Variants in FOXP1 observed in about 807,000 individuals in gnomAD.
FOXP1 encodes forkhead box protein P1.
In FOXP1, 15 loss-of-function variants were observed where a neutral mutation model predicts 98.2. The observed-to-expected ratio is 0.15, with a 90% CI of 0.10 to 0.24. FOXP1 has a LOEUF of 0.24. Ranked by LOEUF, FOXP1 falls within the 10% of genes least tolerant of loss-of-function variation. The probability of loss-of-function intolerance (pLI) is 1.00; values close to 1 mark genes in which losing one functional copy is unlikely to be tolerated. For synonymous variants in FOXP1, 371 were observed against 314.5 expected, an observed-to-expected ratio of 1.18 and a Z score of -1.90; for missense variants, 633 against 848.5, an observed-to-expected ratio of 0.75 and a Z score of 3.15.
chr3:71,509,125 A>G (rs2042022985), intron 2 of FOXP1, among the ~76,000 whole-genome samples: 2 of 152,170 alleles, frequency 1.3e-5, no homozygotes, highest in Admixed American at 6.5e-5. Flanking sequence ...TTCATATTTA[A>G]GCATTGTATT....
At chr3:71,304,015 C>T (rs1350162401) in intron 4 of FOXP1, among the ~76,000 whole-genome samples, 1 of 152,166 alleles carries the variant, frequency 6.6e-6, no homozygotes, top group Non-Finnish European at 1.5e-5. Context: ...ACTTTGAATC[C>T]ACCATTCTTC....
chr3:71,035,286 G>GCTGT (rs2047432260), intron 11 of FOXP1, among the ~76,000 whole-genome samples: 1 of 152,196 alleles, frequency 6.6e-6, no homozygotes, highest in Non-Finnish European at 1.5e-5. Flanking sequence ...GGCCTAGGAA[G>GCTGT]CTGTGTGTTT....
intron 5 of FOXP1, among the ~76,000 whole-genome samples, chr3:71,232,527 G>A (rs949912480): frequency 3.3e-5 from 5 of 152,018 alleles, no homozygotes; most frequent in East Asian, 1.9e-4. Flanking sequence ...TCTTCTTTAC[G>A]GCAGGAAGCT....
At chr3:71,042,161 A>G (rs551518091) in intron 10 of FOXP1, among the ~76,000 whole-genome samples, 76 of 152,330 alleles carry the variant, frequency 5.0e-4, no homozygotes, top group African/African-American at 1.8e-3. Context: ...GGATGTGTCT[A>G]CTGAAAAACT....
intron 2 of FOXP1, among the ~76,000 whole-genome samples, chr3:71,527,041 T>C (rs909252438): frequency 6.6e-6 from 1 of 151,456 alleles, no homozygotes; most frequent in Non-Finnish European, 1.5e-5. Context: ...AGGGCACTAC[T>C]GTATATGCAA....
chr3:71,255,074 C>T (rs561085932), intron 5 of FOXP1, among the ~76,000 whole-genome samples: 1 of 152,258 alleles, frequency 6.6e-6, no homozygotes, highest in South Asian at 2.1e-4. Flanking sequence ...AGAAACTACA[C>T]CCTTTTTCCA....
chr3:71,369,553 C>A (rs1456339490), intron 3 of FOXP1, among the ~76,000 whole-genome samples: 1 of 152,136 alleles, frequency 6.6e-6, no homozygotes, highest in Non-Finnish European at 1.5e-5. Flanking sequence ...CACCACCATG[C>A]CCAGCTAATT....
At chr3:71,431,944 C>T (rs1030367639) in intron 3 of FOXP1, among the ~76,000 whole-genome samples, 1 of 152,136 alleles carries the variant, frequency 6.6e-6, no homozygotes, top group Admixed American at 6.5e-5. Flanking sequence ...TTCCTGTTGC[C>T]GTGTTGCCCC....
chr3:71,144,399 C>T (rs1576009194), intron 6 of FOXP1, among the ~76,000 whole-genome samples: 1 of 152,234 alleles, frequency 6.6e-6, no homozygotes, highest in East Asian at 1.9e-4. Context: ...CCCTGGGAAC[C>T]CTGACAGGAG....
chr3:71,496,596 C>A (rs961365245), intron 2 of FOXP1, among the ~76,000 whole-genome samples: 6 of 152,038 alleles, frequency 3.9e-5, no homozygotes, highest in Non-Finnish European at 4.4e-5. Flanking sequence ...CCGAGGCGGG[C>A]GGATCACGAG....
chr3:71,582,289 G>T (rs947469839), intron 1 of FOXP1: 2 of 977,588 alleles, frequency 2.0e-6, no homozygotes, highest in Non-Finnish European at 2.4e-6. Flanking sequence ...CTGAAAAGGA[G>T]GGAGGCGGGA....
At chr3:71,327,956 CTA>C (rs2076018807) in intron 4 of FOXP1, among the ~76,000 whole-genome samples, 2 of 152,204 alleles carry the variant, frequency 1.3e-5, no homozygotes, top group African/African-American at 4.8e-5. Context: ...CCCAACCTCT[CTA>C]CACATGACAG....
intron 6 of FOXP1, among the ~76,000 whole-genome samples, chr3:71,195,626 C>T (rs530996712): frequency 2.6e-5 from 4 of 152,172 alleles, no homozygotes; most frequent in South Asian, 2.1e-4. Flanking sequence ...CTGAATGTGC[C>T]CCTGGCGAGG....
chr3:71,039,756 GA>G (rs567940533), intron 11 of FOXP1, among the ~76,000 whole-genome samples: 2,210 of 108,148 alleles, frequency 0.02, 22 homozygotes, highest in Non-Finnish European at 0.023. Flanking sequence ...TTTCTTTCTT[GA>G]AAAAAAAAAA....
At chr3:71,249,041 C>T (rs1209645721) in intron 5 of FOXP1, among the ~76,000 whole-genome samples, 1 of 152,218 alleles carries the variant, frequency 6.6e-6, no homozygotes, top group Non-Finnish European at 1.5e-5. Context: ...AGAATTTCTG[C>T]AGATGCTGGA....
Position 71,157,667 on chromosome 3 carries a change from C to T in FOXP1, c.180+40535G>A, listed in dbSNP as rs960700858. Among the ~76,000 whole-genome samples, 11 of 152,264 alleles carry T rather than the reference C, an allele frequency of 7.2e-5. No individual in the cohort carries two copies. The South Asian group carries it at 1.7e-3, about 23-fold the overall frequency. On this transcript the variant is annotated intron_variant, in intron 6 of 20. Transcript: ENST00000649528. ...CATTAAGTATGTAAATCTTCTGATA[C>T]CAGGTTGTTCCTTCACTTCTTTTCT...
chr3:71,236,512 T>C (rs1215110046), intron 5 of FOXP1, among the ~76,000 whole-genome samples: 2 of 152,178 alleles, frequency 1.3e-5, no homozygotes, highest in African/African-American at 4.8e-5. Context: ...CCCACAGGCA[T>C]ATAATGAGAG....
intron 2 of FOXP1, among the ~76,000 whole-genome samples, chr3:71,513,755 T>A (rs1278486092): frequency 6.6e-6 from 1 of 152,106 alleles, no homozygotes; most frequent in East Asian, 1.9e-4. Context: ...ATAGCATGGC[T>A]CCAAGAATGT....
intron 5 of FOXP1, among the ~76,000 whole-genome samples, chr3:71,249,270 T>G (rs549806453): frequency 6.6e-6 from 1 of 152,250 alleles, no homozygotes; most frequent in Non-Finnish European, 1.5e-5. Flanking sequence ...GGCCTTGACT[T>G]CCTCTTCCTG....
Sources: allele counts gnomAD v4.1 joint callset (sites outside exome capture counted in the v4.1 genomes callset), GRCh38; gene constraint gnomAD v4.1.1; transcripts MANE v1.5; gene names NCBI Gene and HGNC (gene_info 2026-07-23, HGNC 2026-07-21).